AGO1: variants seen among roughly 807,000 people sequenced by gnomAD.
AGO1 encodes the protein argonaute RISC component 1, also known as protein argonaute-1.
Under a neutral mutation model 109.2 loss-of-function variants are expected in AGO1, and 11 were observed. The ratio of observed to expected loss-of-function variants is 0.10; its 90% CI spans 0.06 to 0.17. AGO1 has a LOEUF of 0.17. Among genes scored for constraint, AGO1 ranks in the 10% least tolerant of loss-of-function variants. The pLI is 1.00. For synonymous variants in AGO1, 422 were observed against 418.6 expected, an observed-to-expected ratio of 1.01 and a Z score of -0.10; for missense variants, 574 against 1,140.3, an observed-to-expected ratio of 0.50 and a Z score of 7.15.
At chr1:35,870,118 C>A (rs913405386) in intron 1 of AGO1, among the ~76,000 whole-genome samples, 3 of 151,768 alleles carry the variant, frequency 2.0e-5, no homozygotes, top group Non-Finnish European at 4.4e-5. Flanking sequence ...TATTTATCAC[C>A]CAAGCGTTCC....
At chr1:35,872,971 C>T (rs1202057851) in intron 1 of AGO1, among the ~76,000 whole-genome samples, 2 of 151,236 alleles carry the variant, frequency 1.3e-5, no homozygotes, top group African/African-American at 2.4e-5. Context: ...CCAGGCTGGT[C>T]TTGAACTCAG....
chr1:35,897,444 G>A (rs1022638460), intron 8 of AGO1, among the ~76,000 whole-genome samples: 8 of 152,202 alleles, frequency 5.3e-5, no homozygotes, highest in Non-Finnish European at 1.2e-4. Context: ...TTGTGTGAGG[G>A]GAAAAGCAGT....
Position 35,893,331 on chromosome 1 carries a change from G to T in AGO1, c.512+53G>T, listed in dbSNP as rs567859813. The T allele has an allele frequency of 9.1e-5, 142 of 1,558,020 alleles. No individual in the cohort carries two copies. Among genetic ancestry groups the T allele is most frequent in the Non-Finnish European group, 1.2e-4 (134 of 1,145,932 alleles). The stretch of plus-strand genomic sequence containing the variant: ...ACTAGTGTTGGCAGAACTGCTGTCA[G>T]GGGAGGAGGGGGAGCACATATTAAG... On this transcript the variant is annotated intron_variant, in intron 4 of 18. Coordinates refer to ENST00000373204, the MANE Select transcript of AGO1 (RefSeq NM_012199.5). This position sits in a 1 kb window ranked among gnomAD's most constrained non-coding sequence, Gnocchi z 5.6.
intron 1 of AGO1, among the ~76,000 whole-genome samples, chr1:35,877,619 G>A (rs1158964947): frequency 6.6e-6 from 1 of 152,180 alleles, no homozygotes; most frequent in African/African-American, 2.4e-5. Context: ...CATTTGAAAT[G>A]TGGCTAGTCT....
At chr1:35,886,773 G>C (rs1571341209) in intron 1 of AGO1, among the ~76,000 whole-genome samples, 1 of 152,222 alleles carries the variant, frequency 6.6e-6, no homozygotes, top group Middle Eastern at 3.4e-3. Flanking sequence ...TGTTTTTGTG[G>C]TGTGTCTATG....
chr1:35,919,197 A>G lies in AGO1; in HGVS notation c.2408A>G (p.Tyr803Cys). Reference protein sequence around the residue: ...RSVSIPAPAYYARLVAFRARY... With the variant: ...RSVSIPAPAYCARLVAFRARY... ...GTCTCTATCCCAGCACCTGCCTACT[A>G]TGCCCGCCTGGTGGCTTTCCGGGCA... is the stretch of plus-strand genomic sequence containing the variant. Residue 803 changes from tyrosine (Y) to cysteine (C), a missense_variant, in exon 18 of 19, where the codon TAT (tyrosine) becomes TGT (cysteine). Tyr to Cys is a radical substitution (Grantham distance 194). This residue lies in a region of AGO1 where 62 missense variants were observed against 192.0 expected (regional missense o/e 0.32). Transcript: ENST00000373204. This position sits in a 1 kb window ranked among gnomAD's most constrained non-coding sequence, Gnocchi z 6.6. The G allele has an allele frequency of 6.2e-7, 1 of 1,614,138 alleles. No individual in the cohort carries two copies. Among genetic ancestry groups the G allele is most frequent in the Non-Finnish European group, 8.5e-7 (1 of 1,180,024 alleles).
At chr1:35,903,673 A>G (rs1049411122) in intron 11 of AGO1, among the ~76,000 whole-genome samples, 8 of 150,744 alleles carry the variant, frequency 5.3e-5, no homozygotes, top group Admixed American at 1.3e-4. Flanking sequence ...TATAGATCCT[A>G]TAAGTTCTAG....
At chr1:35,897,243 C>G (rs1204300377) in intron 8 of AGO1, among the ~76,000 whole-genome samples, 3 of 152,128 alleles carry the variant, frequency 2.0e-5, no homozygotes, top group Non-Finnish European at 4.4e-5. Flanking sequence ...GGGTAGAGAG[C>G]TATTTTAGTT....
intron 11 of AGO1, among the ~76,000 whole-genome samples, chr1:35,903,261 C>G (rs1464502087): frequency 6.6e-6 from 1 of 151,386 alleles, no homozygotes; most frequent in Non-Finnish European, 1.5e-5. Context: ...CTGCTTCGGT[C>G]TCCCAAAGTG....
Position 35,924,040 on chromosome 1 carries a change from C to T in AGO1, c.*4433C>T, listed in dbSNP as rs1645880421. 1 of 152,660 alleles carries T rather than the reference C, an allele frequency of 6.6e-6. No homozygotes were observed. Among genetic ancestry groups the T allele is most frequent in the Non-Finnish European group, 1.5e-5 (1 of 68,052 alleles). The allele number at this position is 152,660 out of a possible 1,614,324, so 9.5% of individuals were successfully genotyped here. On this transcript the variant is annotated 3_prime_UTR_variant, in exon 19 of 19. Coordinates refer to ENST00000373204, the MANE Select transcript of AGO1 (RefSeq NM_012199.5). ...ACTACTCTGGTTTTCACTTTAGTTTCTAAACTTTTTATCCCTCTCAAGTCC... is the reference window on the plus strand; with the variant it reads ...ACTACTCTGGTTTTCACTTTAGTTTTTAAACTTTTTATCCCTCTCAAGTCC...
At chr1:35,885,536 C>T (rs1645107181) in intron 1 of AGO1, among the ~76,000 whole-genome samples, 1 of 152,166 alleles carries the variant, frequency 6.6e-6, no homozygotes, top group Admixed American at 6.5e-5. Flanking sequence ...TTCCTAGGCC[C>T]GGACTGTTCT....
At chr1:35,903,833 C>T (rs1473815247) in intron 11 of AGO1, among the ~76,000 whole-genome samples, 1 of 151,652 alleles carries the variant, frequency 6.6e-6, no homozygotes, top group Non-Finnish European at 1.5e-5. Context: ...CGTGGTGGCG[C>T]GTGCCTGTAG....
rs1179375810 is a variant in AGO1 at position 35,883,992 on chromosome 1, C to T, written c.25+546C>T. Among the ~76,000 whole-genome samples the T allele has an allele frequency of 6.6e-6, 1 of 152,180 alleles. No homozygotes were observed. The highest frequency in any genetic ancestry group is 1.5e-5 in the Non-Finnish European group (1 of 68,018). On this transcript the variant is annotated intron_variant, in intron 1 of 18. Coordinates refer to ENST00000373204, the MANE Select transcript of AGO1 (RefSeq NM_012199.5). This position sits in a 1 kb window ranked among gnomAD's most constrained non-coding sequence, Gnocchi z 5.4. ...ATTACCCCCCGTGGGTCTGGGGAGT[C>T]GGAGCGGAGGCTCCAGAGCATGCGC...
Position 35,919,588 on chromosome 1 carries a change from G to A in AGO1, c.2555G>A (p.Arg852His). 2 of 1,613,984 alleles carry A rather than the reference G, an allele frequency of 1.2e-6. No homozygotes were observed. The highest frequency in any genetic ancestry group is 1.7e-5 in the Admixed American group (1 of 60,012). ...GTGCAGGTTCACCAGGATACTCTGC[G>A]CACCATGTACTTCGCTTGAAGGCAG... ...KAVQVHQDTLRTMYFA is the reference protein window; with the variant it reads ...KAVQVHQDTLHTMYFA Residue 852 changes from arginine (R) to histidine (H), a missense_variant, in exon 19 of 19, where the codon CGC (arginine) becomes CAC (histidine). Around this residue, in one of 8 missense-constraint regions of AGO1, gnomAD observed 33 missense variants for 44.2 expected, o/e 0.75. Coordinates refer to ENST00000373204, the MANE Select transcript of AGO1 (RefSeq NM_012199.5). The surrounding 1 kb of genome is among the most constrained non-coding windows in gnomAD (Gnocchi z 6.6).
exon 1 of AGO1, chr1:35,869,817 C>G (rs1644932021): frequency 1.3e-5 from 2 of 152,118 alleles, no homozygotes; most frequent in Admixed American, 1.3e-4. Context: ...GTGAGGCAAG[C>G]GCCTCAGGAG....
intron 7 of AGO1, 70 bp downstream of exon 7, chr1:35,894,472 C>A (rs2148711878): frequency 1.4e-6 from 2 of 1,417,698 alleles, no homozygotes; most frequent in East Asian, 4.9e-5. Flanking sequence ...CTATCTTTCC[C>A]TCCCTCCCTC....
intron 17 of AGO1, 41 bp downstream of exon 17, chr1:35,918,464 G>T (rs749332149): frequency 4.1e-6 from 6 of 1,467,132 alleles, no homozygotes; most frequent in Non-Finnish European, 5.7e-6. Context: ...GGTCAAAGAT[G>T]AGTTGTTCAT....
chr1:35,886,107 T>A (rs1221079474), intron 1 of AGO1, among the ~76,000 whole-genome samples: 3 of 152,110 alleles, frequency 2.0e-5, no homozygotes, highest in African/African-American at 7.2e-5. Flanking sequence ...TCCTTGGGGA[T>A]GGGGGAGGGG....
chr1:35,879,410 T>C (rs970229663), upstream of AGO1, among the ~76,000 whole-genome samples: 4 of 151,612 alleles, frequency 2.6e-5, no homozygotes, highest in South Asian at 2.1e-4. Context: ...ATCGTGCCAT[T>C]GCACTCCAGC....
Sources: gnomAD v4.1 joint callset for allele counts (sites outside exome capture counted in the v4.1 genomes callset) on GRCh38, gnomAD v4.1.1 for gene constraint, gnomAD v4.1.1 regional missense constraint, Gnocchi (gnomAD v3.1) non-coding constraint, MANE v1.5 for transcripts, NCBI Gene and HGNC (gene_info 2026-07-23, HGNC 2026-07-21) for gene names.